Variants in SBK1 observed in about 807,000 individuals in gnomAD.
The protein encoded by SBK1 is SH3 domain binding kinase 1.
In SBK1, 11 loss-of-function variants were observed where a neutral mutation model predicts 24.4. The ratio of observed to expected loss-of-function variants is 0.45; its 90% CI spans 0.28 to 0.75. The LOEUF is 0.75. Among genes scored for constraint, SBK1 ranks in the 30% least tolerant of loss-of-function variants. SBK1 has a pLI of 0.12. For missense variants in SBK1, 467 were observed against 620.5 expected (o/e 0.75, Z 2.63); for synonymous variants, 308 against 284.4 (o/e 1.08, Z -0.83).
At chr16:28,292,277 G>C (rs971947132), upstream of SBK1, 1 of 117,686 alleles carries the variant, frequency 8.5e-6, no homozygotes, top group Non-Finnish European at 1.8e-5. Context: ...GGGGGTGGGG[G>C]GTGGGAGCCA....
chr16:28,317,321 AG>A lies in SBK1; in HGVS notation c.-7-60del. 1 of 1,270,278 alleles carries A rather than the reference AG, an allele frequency of 7.9e-7. No individual in the cohort carries two copies. The highest frequency in any genetic ancestry group is 1.1e-6 in the Non-Finnish European group (1 of 882,342). The allele number at this position is 1,270,278 out of a possible 1,614,324, so 78.7% of individuals were successfully genotyped here. A position where few individuals can be genotyped will look rare whatever the true frequency, so the allele number is the denominator to read the frequency against. On this transcript the variant is annotated intron_variant, in intron 1 of 3. Transcript: ENST00000341901. This position sits in a 1 kb window ranked among gnomAD's most constrained non-coding sequence, Gnocchi z 4.2. ...GTTTTCTGGGTTCTGGGGAGGGCAG[AG>A]GGGCTGGAGGAGGGGACCCTTGCCT...
rs1031072627 is a variant in SBK1 at position 28,319,204 on chromosome 16, G to C, written c.429+7G>C. ...TGACATCATCCCTCCCCAGGTACTC[G>C]GGATGGTGGCATAGGGTGGGGAAAG... On this transcript the variant is annotated splice_region_variant and intron_variant, in intron 3 of 3. Transcript: ENST00000341901. This position sits in a 1 kb window ranked among gnomAD's most constrained non-coding sequence, Gnocchi z 4.0. 2 of 1,612,176 alleles carry C rather than the reference G, an allele frequency of 1.2e-6. No homozygotes were observed. Among genetic ancestry groups the C allele is most frequent in the South Asian group, 2.2e-5 (2 of 91,034 alleles).
At chr16:28,265,433 A>G (rs1203103367) in intron 1 of SBK1, among the ~76,000 whole-genome samples, 1 of 151,314 alleles carries the variant, frequency 6.6e-6, no homozygotes, top group African/African-American at 2.4e-5. Flanking sequence ...AAATAAATAA[A>G]TACTAGCCGG....
At chr16:28,280,359 A>G (rs2044526661) in intron 1 of SBK1, among the ~76,000 whole-genome samples, 1 of 145,496 alleles carries the variant, frequency 6.9e-6, no homozygotes, top group South Asian at 2.1e-4. Context: ...AAATATATAT[A>G]TATATATTTG....
Position 28,292,537 on chromosome 16 carries a change from G to A in SBK1, c.-771G>A, listed in dbSNP as rs1286990299. 3.1e-6 allele frequency: 3 copies of A among 979,290 alleles called. No homozygotes were observed. The highest frequency in any genetic ancestry group is 3.6e-6 in the Non-Finnish European group (3 of 827,320). 60.7% of individuals were successfully genotyped at this position (979,290 alleles called of 1,614,324 possible). On this transcript the variant is annotated 5_prime_UTR_variant, in exon 1 of 4. It introduces an in-frame stop codon into an upstream open reading frame of the 5' UTR. Coordinates refer to ENST00000341901, the MANE Select transcript of SBK1 (RefSeq NM_001024401.3). ...AGGGCGGAGCCGCGATGCCGCGATGGAGCGCAGCCCGGGCGGGCGCCGGGG... is the reference window on the plus strand; with the variant it reads ...AGGGCGGAGCCGCGATGCCGCGATGAAGCGCAGCCCGGGCGGGCGCCGGGG...
At chr16:28,295,187 C>T (rs1423337898) in intron 1 of SBK1, among the ~76,000 whole-genome samples, 3 of 152,120 alleles carry the variant, frequency 2.0e-5, no homozygotes, top group South Asian at 2.1e-4. Context: ...CAGAGGAGGA[C>T]AAGGAGCAAG....
chr16:28,275,930 G>C (rs1021935346), intron 1 of SBK1, among the ~76,000 whole-genome samples: 7 of 151,842 alleles, frequency 4.6e-5, no homozygotes, highest in African/African-American at 7.3e-5. Flanking sequence ...AGGAAGGAAA[G>C]GGTAAAGAAA....
rs1422486800 is a variant in SBK1, at chr16:28,320,507, C to G, written c.861C>G (p.Pro287=). The part of the protein sequence containing the change: ...LPSQWRRFTE[P]ALRMFQRLLA... ...CGCAGTGGCGCCGCTTCACCGAGCCCGCGCTGCGCATGTTCCAGCGCTTAC... is the reference window on the plus strand; with the variant it reads ...CGCAGTGGCGCCGCTTCACCGAGCCGGCGCTGCGCATGTTCCAGCGCTTAC... The change falls in exon 4 of 4, where the codon CCC becomes CCG. Residue 287 remains proline (P), a synonymous_variant. Transcript: ENST00000341901. The surrounding 1 kb of genome is among the most constrained non-coding windows in gnomAD (Gnocchi z 8.5). 1 of 1,571,248 alleles carries G rather than the reference C, an allele frequency of 6.4e-7. No homozygotes were observed. The highest frequency in any genetic ancestry group is 2.3e-5 in the East Asian group (1 of 42,946).
At chr16:28,292,247 G>C (rs1307389538), upstream of SBK1, 3 of 123,682 alleles carry the variant, frequency 2.4e-5, no homozygotes, top group African/African-American at 8.8e-5. Flanking sequence ...CTCTGACCTA[G>C]AAAAGGAGTG....
chr16:28,316,836 G>A (rs777417234), intron 1 of SBK1, among the ~76,000 whole-genome samples: 6 of 152,222 alleles, frequency 3.9e-5, no homozygotes, highest in East Asian at 1.9e-4. Context: ...CTGTGATTGC[G>A]CCACTGCACT....
chr16:28,300,578 C>T (rs1274868419), intron 1 of SBK1, among the ~76,000 whole-genome samples: 1 of 152,128 alleles, frequency 6.6e-6, no homozygotes, highest in Non-Finnish European at 1.5e-5. Flanking sequence ...CCTGTGTTAG[C>T]CTCCCAAAGT....
At chr16:28,294,212 C>T (rs1317908492) in intron 1 of SBK1, among the ~76,000 whole-genome samples, 3 of 152,100 alleles carry the variant, frequency 2.0e-5, no homozygotes, top group Non-Finnish European at 4.4e-5. Flanking sequence ...CAGGCTCTAC[C>T]GCATATGAGG....
intron 1 of SBK1, among the ~76,000 whole-genome samples, chr16:28,294,962 A>C (rs1445348975): frequency 6.6e-6 from 1 of 152,180 alleles, no homozygotes; most frequent in African/African-American, 2.4e-5. Flanking sequence ...ACAGAGAGTG[A>C]GCCTCTCTGC....
In SBK1 at chr16:28,320,726, C is replaced by G; in HGVS notation, c.1080C>G (p.Gly360=). The change falls in exon 4 of 4, where the codon GGC becomes GGG. Residue 360 remains glycine, a synonymous_variant. Coordinates refer to ENST00000341901, the MANE Select transcript of SBK1 (RefSeq NM_001024401.3). The surrounding 1 kb of genome is among the most constrained non-coding windows in gnomAD (Gnocchi z 8.5). ...AGCGGACGGTGCTGACCGAGAGCGG[C>G]AGCGGCTCCCGGCCCGCGCCCCCCG... is the stretch of plus-strand genomic sequence containing the variant. ...PLKRTVLTES[G]SGSRPAPPAV... is the part of the protein sequence containing the mutation. 8.6e-7 allele frequency: 1 copy of G among 1,158,816 alleles called. No homozygotes were observed. Among genetic ancestry groups the G allele is most frequent in the African/African-American group, 1.7e-5 (1 of 59,670 alleles). 71.8% of individuals were successfully genotyped at this position (1,158,816 alleles called of 1,614,324 possible). A position where few individuals can be genotyped will look rare whatever the true frequency, so the allele number is the denominator to read the frequency against.
At position 28,322,972 on chromosome 16, in the gene SBK1, CTCTCTCTCCTCTCTT is replaced by C; in HGVS notation, c.*2060_*2074del. On this transcript the variant is annotated 3_prime_UTR_variant, in exon 4 of 4. Coordinates refer to ENST00000341901, the MANE Select transcript of SBK1 (RefSeq NM_001024401.3). ...TCTCTCTCTCTCTCTCTCTCTCTCT[CTCTCTCTCCTCTCTT>C]TCTCTCTCTCCCTCTCTCTGTTAAG... The C allele has an allele frequency of 7.7e-6, 1 of 130,160 alleles. No individual in the cohort carries two copies. The highest frequency in any genetic ancestry group is 2.7e-4 in the South Asian group (1 of 3,742). 8.1% of individuals were successfully genotyped at this position (130,160 alleles called of 1,614,324 possible).
At chr16:28,305,596 A>G (rs965343239) in intron 1 of SBK1, among the ~76,000 whole-genome samples, 9 of 149,596 alleles carry the variant, frequency 6.0e-5, no homozygotes, top group East Asian at 2.0e-4. Context: ...CAGTGGTGCA[A>G]TCTTGGCTTA....
Position 28,319,469 on chromosome 16 carries a change from C to G in SBK1, c.429+272C>G, listed in dbSNP as rs2726040. ...AATGATGGGATGAAGTCACTGGGCCCTCCCCTGGGGCTACACAAGAGGAGA... is the reference window on the plus strand; with the variant it reads ...AATGATGGGATGAAGTCACTGGGCCGTCCCCTGGGGCTACACAAGAGGAGA... On this transcript the variant is annotated intron_variant, in intron 3 of 3. Coordinates refer to ENST00000341901, the MANE Select transcript of SBK1 (RefSeq NM_001024401.3). The surrounding 1 kb of genome is among the most constrained non-coding windows in gnomAD (Gnocchi z 4.0). Among the ~76,000 whole-genome samples, 52,587 of 151,914 alleles carry G rather than the reference C, an allele frequency of 0.35. 9,815 individuals are homozygous for G. The highest frequency in any genetic ancestry group is 0.6 in the South Asian group (2,876 of 4,810).
chr16:28,316,570 G>A (rs932185124), intron 1 of SBK1, among the ~76,000 whole-genome samples: 3 of 151,934 alleles, frequency 2.0e-5, no homozygotes, highest in African/African-American at 7.3e-5. Flanking sequence ...TTCTAGACCA[G>A]CCTGGGCAAC....
At chr16:28,307,835 T>A (rs1284133208) in intron 1 of SBK1, among the ~76,000 whole-genome samples, 1 of 151,914 alleles carries the variant, frequency 6.6e-6, no homozygotes, top group Non-Finnish European at 1.5e-5. Context: ...CGTAGCAATA[T>A]CTCTTCCTGT....
Sources: allele counts gnomAD v4.1 joint callset (sites outside exome capture counted in the v4.1 genomes callset), GRCh38; gene constraint gnomAD v4.1.1; non-coding constraint Gnocchi (gnomAD v3.1); transcripts MANE v1.5; gene names NCBI Gene and HGNC (gene_info 2026-07-23, HGNC 2026-07-21).